The following MYO9A variants were observed in gnomAD, a reference collection of about 807,000 sequenced individuals.
MYO9A encodes unconventional myosin-IXa.
A neutral mutation model predicts 293.3 loss-of-function variants in MYO9A; 103 were observed. The ratio of observed to expected loss-of-function variants is 0.35; its 90% CI spans 0.30 to 0.41. The LOEUF is 0.41. MYO9A is among the 10% of genes least tolerant of loss of function. The probability of loss-of-function intolerance (pLI) is 1.00; values close to 1 mark genes in which losing one functional copy is unlikely to be tolerated. For synonymous variants in MYO9A, 1,001 were observed against 1,035.7 expected (o/e 0.97, Z 0.64); for missense variants, 2,685 against 3,033.0 (o/e 0.89, Z 2.69).
intron 39 of MYO9A, among the ~76,000 whole-genome samples, chr15:71,836,055 C>T (rs1321909961): frequency 5.9e-5 from 9 of 151,936 alleles, no homozygotes; most frequent in Admixed American, 2.6e-4. Context: ...ACATTAAAAT[C>T]CAGAACCTGT....
chr15:71,940,922 A>G (rs563077769), intron 15 of MYO9A, among the ~76,000 whole-genome samples: 129 of 152,158 alleles, frequency 8.5e-4, no homozygotes, highest in African/African-American at 3.0e-3. Context: ...CTCCATCTCA[A>G]AGAAGAAGGA....
chr15:72,013,615 TC>T (rs1257892250), intron 6 of MYO9A, among the ~76,000 whole-genome samples: 1 of 152,196 alleles, frequency 6.6e-6, no homozygotes, highest in African/African-American at 2.4e-5. Context: ...AAATGCTCTT[TC>T]ATGCTATCAG....
intron 1 of MYO9A, among the ~76,000 whole-genome samples, chr15:72,103,441 C>CAGAAGCAGCAGCAGAAGA (rs1466008090): frequency 7.2e-6 from 1 of 139,524 alleles, no homozygotes; most frequent in East Asian, 2.1e-4. Flanking sequence ...GCAGCAGAAG[C>CAGAAGCAGCAGCAGAAGA]AGAAGCAGCA....
intron 13 of MYO9A, among the ~76,000 whole-genome samples, chr15:71,961,886 AT>A (rs1034591263): frequency 6.6e-6 from 1 of 151,754 alleles, no homozygotes; most frequent in Non-Finnish European, 1.5e-5. Context: ...CGTCTGGCTA[AT>A]TTTTTTTCAT....
intron 25 of MYO9A, 94 bp downstream of exon 25, chr15:71,897,367 C>T: frequency 7.6e-7 from 1 of 1,321,784 alleles, no homozygotes; most frequent in East Asian, 2.3e-5. Context: ...AGTTGAGCAG[C>T]CACTTTACAC....
At chr15:71,888,142 T>C (rs2057075265) in intron 26 of MYO9A, 26 bp from the exon 27 acceptor site, 4 of 1,305,392 alleles carry the variant, frequency 3.1e-6, no homozygotes, top group African/African-American at 1.5e-5. Flanking sequence ...ATGTGAAAGA[T>C]TTAATGCCAA....
chr15:71,828,061 A>C, intron 40 of MYO9A, 35 bp from the exon 41 acceptor site: 4 of 1,597,034 alleles, frequency 2.5e-6, no homozygotes, highest in Non-Finnish European at 3.4e-6. Flanking sequence ...TTAGCATTTG[A>C]TAGGAAGTGG....
intron 19 of MYO9A, among the ~76,000 whole-genome samples, chr15:71,905,414 CT>C (rs1306819784): frequency 2.6e-5 from 4 of 152,038 alleles, no homozygotes; most frequent in Non-Finnish European, 5.9e-5. Flanking sequence ...AATGATATCC[CT>C]TTTTTTATTC....
intron 25 of MYO9A, among the ~76,000 whole-genome samples, chr15:71,894,639 G>C (rs1245704733): frequency 1.3e-5 from 2 of 152,088 alleles, no homozygotes; most frequent in Non-Finnish European, 2.9e-5. Context: ...ATCAACACTG[G>C]CAGGGTAAGA....
intron 2 of MYO9A, among the ~76,000 whole-genome samples, chr15:72,044,660 C>T (rs1419822667): frequency 2.0e-5 from 3 of 152,162 alleles, no homozygotes; most frequent in African/African-American, 7.2e-5. Context: ...TTCCTTTTGA[C>T]ATTGGATGGT....
chr15:72,110,977 G>A lies in MYO9A; in HGVS notation c.-72+6703C>T, dbSNP rs571966999. Among the ~76,000 whole-genome samples, 4 of 151,884 alleles carry A rather than the reference G, an allele frequency of 2.6e-5. No homozygotes were observed. The South Asian group carries it at 8.3e-4, about 32-fold the overall frequency. On this transcript the variant is annotated intron_variant, in intron 1 of 41. Transcript: ENST00000356056. ...GATCGAGACCATCCTGACTAACATGGTGAAGCCCTGTCTCTACTAAAAATA... is the reference window on the plus strand; with the variant it reads ...GATCGAGACCATCCTGACTAACATGATGAAGCCCTGTCTCTACTAAAAATA...
At chr15:72,083,142 T>C (rs1273989397) in intron 1 of MYO9A, among the ~76,000 whole-genome samples, 2 of 152,158 alleles carry the variant, frequency 1.3e-5, no homozygotes, top group African/African-American at 4.8e-5. Flanking sequence ...TTTGAATCCA[T>C]CTGGTCCTGG....
chr15:71,893,470 C>T (rs1332564761), intron 26 of MYO9A: 7 of 588,414 alleles, frequency 1.2e-5, no homozygotes, highest in Non-Finnish European at 2.1e-5. Flanking sequence ...AAATTGCCTT[C>T]TTTTTCTTAG....
intron 28 of MYO9A, among the ~76,000 whole-genome samples, chr15:71,882,986 G>A (rs771323196): frequency 3.1e-4 from 47 of 151,846 alleles, no homozygotes; most frequent in Admixed American, 1.0e-3. Flanking sequence ...TATATTTTTT[G>A]TAGAGATGGG....
At chr15:71,829,617 G>A (rs2054635961) in intron 40 of MYO9A, among the ~76,000 whole-genome samples, 2 of 151,694 alleles carry the variant, frequency 1.3e-5, no homozygotes, top group African/African-American at 2.4e-5. Flanking sequence ...CTGTTCCCAT[G>A]GTCATATGGA....
At chr15:71,849,197 C>A (rs1809465898) in intron 38 of MYO9A, among the ~76,000 whole-genome samples, 1 of 152,168 alleles carries the variant, frequency 6.6e-6, no homozygotes, top group African/African-American at 2.4e-5. Context: ...TGCCTGTAAT[C>A]CCAGCGCTTT....
chr15:71,922,508 A>G (rs982294767), intron 18 of MYO9A, among the ~76,000 whole-genome samples: 2 of 152,090 alleles, frequency 1.3e-5, no homozygotes, highest in Admixed American at 1.3e-4. Flanking sequence ...TATATAATAC[A>G]TTATTATGAA....
At chr15:71,978,840 T>G (rs1002990852) in intron 11 of MYO9A, among the ~76,000 whole-genome samples, 1 of 152,122 alleles carries the variant, frequency 6.6e-6, no homozygotes, top group African/African-American at 2.4e-5. Flanking sequence ...GTTCAGGTCT[T>G]GAGTAACTAC....
At chr15:72,111,460 GC>G (rs1219110451) in intron 1 of MYO9A, among the ~76,000 whole-genome samples, 1 of 150,676 alleles carries the variant, frequency 6.6e-6, no homozygotes, top group Non-Finnish European at 1.5e-5. Context: ...CTGCACTCCA[GC>G]CTGGGTGACA....
Sources: gnomAD v4.1 joint callset for allele counts (sites outside exome capture counted in the v4.1 genomes callset) on GRCh38, gnomAD v4.1.1 for gene constraint, MANE v1.5 for transcripts, NCBI Gene and HGNC (gene_info 2026-07-23, HGNC 2026-07-21) for gene names.